PCDHGB4: variants seen among roughly 807,000 people sequenced by gnomAD.
PCDHGB4 encodes the protein protocadherin gamma subfamily B, 4.
Under a neutral mutation model 60.5 loss-of-function variants are expected in PCDHGB4, and 38 were observed. The observed-to-expected ratio is 0.63, with a 90% CI of 0.48 to 0.82. PCDHGB4 has a LOEUF of 0.82. PCDHGB4 is among the 40% of genes least tolerant of loss of function. The probability of loss-of-function intolerance (pLI) is 0.00; values close to 1 mark genes in which losing one functional copy is unlikely to be tolerated. For synonymous variants in PCDHGB4, 456 were observed against 509.7 expected (o/e 0.89, Z 1.42); for missense variants, 1,109 against 1,209.6 (o/e 0.92, Z 1.23).
At chr5:141,391,727 TTTGTAGTCATACTTA>T (rs1212107227) in intron 1 of PCDHGB4, 1 of 152,206 alleles carries the variant, frequency 6.6e-6, no homozygotes. Context: ...AACAGACTTT[TTTGTAGTCATACTTA>T]TCCTTTGGCT....
intron 1 of PCDHGB4, among the ~76,000 whole-genome samples, chr5:141,447,285 A>G (rs143024915): frequency 0.046 from 7,013 of 152,060 alleles, 241 homozygotes; most frequent in African/African-American, 0.093. Context: ...GACTACAGGC[A>G]CATGCCACCA....
intron 1 of PCDHGB4, chr5:141,433,096 C>G: frequency 3.1e-6 from 5 of 1,614,118 alleles, no homozygotes; most frequent in Non-Finnish European, 4.2e-6. Flanking sequence ...CAGACATGCT[C>G]GTCAGCCAGG....
Position 141,487,125 on chromosome 5 carries a change from G to A in PCDHGB4, c.2398-7682G>A. 6.2e-7 allele frequency: 1 copy of A among 1,614,112 alleles called. No homozygotes were observed. The highest frequency in any genetic ancestry group is 8.5e-7 in the Non-Finnish European group (1 of 1,179,994). The stretch of plus-strand genomic sequence containing the variant: ...CTGGTCATTGTGGTAAAGGATAGTG[G>A]TAGTCCACCACTCTCTACCTCTGTT... On this transcript the variant is annotated intron_variant, in intron 1 of 3. Coordinates refer to ENST00000519479, the MANE Select transcript of PCDHGB4 (RefSeq NM_003736.4). This position sits in a 1 kb window ranked among gnomAD's most constrained non-coding sequence, Gnocchi z 5.0.
intron 1 of PCDHGB4, among the ~76,000 whole-genome samples, chr5:141,439,635 C>T (rs1326926948): frequency 3.3e-5 from 5 of 152,274 alleles, no homozygotes; most frequent in Middle Eastern, 3.4e-3. Context: ...CCAGACATTC[C>T]GGCTTGGTGG....
At chr5:141,501,330 CACA>C (rs1301023208) in intron 2 of PCDHGB4, among the ~76,000 whole-genome samples, 82 of 151,502 alleles carry the variant, frequency 5.4e-4, no homozygotes, top group Admixed American at 2.2e-3. Flanking sequence ...CACACACACA[CACA>C]CCCCAAACTC....
At chr5:141,419,877 C>T in intron 1 of PCDHGB4, 3 of 1,614,062 alleles carry the variant, frequency 1.9e-6, no homozygotes, top group Non-Finnish European at 8.5e-7. Flanking sequence ...GAGGTACTGC[C>T]GGATTTCAGC....
chr5:141,509,882 G>A (rs1374735632), intron 3 of PCDHGB4, among the ~76,000 whole-genome samples: 1 of 152,182 alleles, frequency 6.6e-6, no homozygotes. Context: ...GGTGGTGATG[G>A]TGACTGACTG....
rs113341686 is a variant in PCDHGB4, at chr5:141,488,763, G to A, written c.2398-6044G>A. Among the ~76,000 whole-genome samples the A allele has an allele frequency of 6.6e-4, 101 of 152,264 alleles. 1 individual carries two copies. The highest frequency in any genetic ancestry group is 1.7e-3 in the African/African-American group (69 of 41,544). ...ATGCAGGAAGTTGCTGGGACAGAACGCTGAGGAGTTTTGTATCACTTTGTC... is the reference window on the plus strand; with the variant it reads ...ATGCAGGAAGTTGCTGGGACAGAACACTGAGGAGTTTTGTATCACTTTGTC... On this transcript the variant is annotated intron_variant, in intron 1 of 3. Coordinates refer to ENST00000519479, the MANE Select transcript of PCDHGB4 (RefSeq NM_003736.4).
In PCDHGB4 at chr5:141,463,438, C is replaced by CTTT. The variant is rs71576115; in HGVS notation, c.2398-31343_2398-31341dup. ...GTTTGCGGATCCTCATTTCCTTCTC[C>CTTT]TTTTTTTTTTTTTTTTTTTTTTTTT... On this transcript the variant is annotated intron_variant, in intron 1 of 3. Coordinates refer to ENST00000519479, the MANE Select transcript of PCDHGB4 (RefSeq NM_003736.4). 5.0e-3 allele frequency among the ~76,000 whole-genome samples: 517 copies of CTTT among 103,248 alleles called. 61 individuals are homozygous for CTTT. The highest frequency in any genetic ancestry group is 0.017 in the African/African-American group (381 of 22,398). The allele number at this position is 103,248 out of a possible 152,430, so 67.7% of individuals were successfully genotyped here.
At chr5:141,399,473 A>G (rs2093815825) in intron 1 of PCDHGB4, 2 of 1,613,996 alleles carry the variant, frequency 1.2e-6, no homozygotes, top group Non-Finnish European at 1.7e-6. Context: ...CCGGTTTTCC[A>G]CCAGGCGTCC....
chr5:141,398,222 A>C, intron 1 of PCDHGB4: 2 of 1,483,320 alleles, frequency 1.3e-6, no homozygotes, highest in Non-Finnish European at 1.8e-6. Flanking sequence ...CTCTGTGAGC[A>C]GATCCGCTAC....
chr5:141,394,173 C>T, intron 1 of PCDHGB4: 1 of 1,613,948 alleles, frequency 6.2e-7, no homozygotes, highest in Non-Finnish European at 8.5e-7. Flanking sequence ...TACTTTCCCT[C>T]ATGCCTCCTA....
At chr5:141,395,495 T>A (rs182989344) in intron 1 of PCDHGB4, 1 of 498,616 alleles carries the variant, frequency 2.0e-6, no homozygotes, top group East Asian at 3.5e-5. Context: ...TATCACTCAT[T>A]CACTTAAGAA....
At chr5:141,461,607 A>C (rs74634930) in intron 1 of PCDHGB4, among the ~76,000 whole-genome samples, 8,353 of 152,212 alleles carry the variant, frequency 0.055, 473 homozygotes, top group African/African-American at 0.15. Flanking sequence ...AATTTAGTTC[A>C]AAGTATTTTC....
chr5:141,482,288 C>G (rs1413786764), intron 1 of PCDHGB4, among the ~76,000 whole-genome samples: 1 of 152,078 alleles, frequency 6.6e-6, no homozygotes, highest in Non-Finnish European at 1.5e-5. Context: ...GTCTTTTAAT[C>G]TCTTTAAACT....
At chr5:141,422,723 G>T in intron 1 of PCDHGB4, 1 of 1,605,958 alleles carries the variant, frequency 6.2e-7, no homozygotes, top group South Asian at 1.1e-5. Flanking sequence ...ACTGTCCAGG[G>T]GGTGCCTCTG....
chr5:141,418,396 A>G lies in PCDHGB4; in HGVS notation c.2397+28115A>G, dbSNP rs139206858. 4.9e-3 allele frequency: 7,975 copies of G among 1,613,844 alleles called. 44 individuals are homozygous for G. The highest frequency in any genetic ancestry group is 9.4e-3 in the Admixed American group (567 of 60,030). On this transcript the variant is annotated intron_variant, in intron 1 of 3. Coordinates refer to ENST00000519479, the MANE Select transcript of PCDHGB4 (RefSeq NM_003736.4). Reference sequence around the variant, plus strand: ...AACTAAGTCCTAACGAGTATTTCTCATTGGTGGAGAAAGACAATCCTGATG... The same window carrying G: ...AACTAAGTCCTAACGAGTATTTCTCGTTGGTGGAGAAAGACAATCCTGATG...
intron 1 of PCDHGB4, chr5:141,400,199 C>G (rs1561675523): frequency 2.5e-6 from 4 of 1,614,048 alleles, no homozygotes; most frequent in Admixed American, 1.7e-5. Flanking sequence ...CTAGTGGTGG[C>G]CTTGGCCTTG....
Position 141,490,721 on chromosome 5 carries a change from T to C in PCDHGB4, c.2398-4086T>C, listed in dbSNP as rs779242781. On this transcript the variant is annotated intron_variant, in intron 1 of 3. Coordinates refer to ENST00000519479, the MANE Select transcript of PCDHGB4 (RefSeq NM_003736.4). This position sits in a 1 kb window ranked among gnomAD's most constrained non-coding sequence, Gnocchi z 5.4. The stretch of plus-strand genomic sequence containing the variant: ...AATGCCCGCCTCACCTACTCCATTG[T>C]AGGAAATCAGGTTCAGGGAGCCCCA... 23 of 1,614,056 alleles carry C rather than the reference T, an allele frequency of 1.4e-5. No individual in the cohort carries two copies. The highest frequency in any genetic ancestry group is 6.6e-5 in the South Asian group (6 of 91,080).
Sources: gnomAD v4.1 joint callset for allele counts (sites outside exome capture counted in the v4.1 genomes callset) on GRCh38, gnomAD v4.1.1 for gene constraint, Gnocchi (gnomAD v3.1) non-coding constraint, MANE v1.5 for transcripts, NCBI Gene and HGNC (gene_info 2026-07-23, HGNC 2026-07-21) for gene names.